VIP: variants seen among roughly 807,000 people sequenced by gnomAD.
The protein encoded by VIP is vasoactive intestinal peptide.
VIP carries 18 observed loss-of-function variants against 20.1 expected under a neutral mutation model. The ratio of observed to expected loss-of-function variants is 0.90; its 90% CI spans 0.62 to 1.33. The LOEUF is 1.33. Among genes scored for constraint, VIP ranks in the 40% most tolerant of loss-of-function variants. VIP has a pLI of 0.00. For synonymous variants in VIP, 70 were observed against 68.1 expected, an observed-to-expected ratio of 1.03 and a Z score of -0.14; for missense variants, 209 against 199.4, an observed-to-expected ratio of 1.05 and a Z score of -0.29.
chr6:152,750,950 A>T lies in VIP; in HGVS notation c.-20A>T, dbSNP rs1354708602. ...GAACAGTCAGCTCCGGGGGAGCACG[A>T]CTGGGCGAGGTAAGTGAAAACTTTA... On this transcript the variant is annotated 5_prime_UTR_variant, in exon 1 of 7. Transcript: ENST00000367244. The T allele has an allele frequency of 6.6e-6, 1 of 152,188 alleles. No homozygotes were observed. Among genetic ancestry groups the T allele is most frequent in the Non-Finnish European group, 1.5e-5 (1 of 68,046 alleles). 9.4% of individuals were successfully genotyped at this position (152,188 alleles called of 1,614,324 possible).
rs535018056 is a variant in VIP, at chr6:152,752,249, G to A, written c.72G>A (p.Ser24=). The change falls in exon 2 of 7, where the codon TCG becomes TCA. Residue 24 remains serine, a synonymous_variant. Coordinates refer to ENST00000367244, the MANE Select transcript of VIP (RefSeq NM_003381.4). ...TCAGTGTGCTCTTCTCACAGACTTCGGCATGGCCTCTTTACAGGGCACCTT... is the reference window on the plus strand; with the variant it reads ...TCAGTGTGCTCTTCTCACAGACTTCAGCATGGCCTCTTTACAGGGCACCTT... ...TLLSVLFSQT[S]AWPLYRAPSA... is the part of the protein sequence containing the mutation. The A allele has an allele frequency of 1.8e-5, 29 of 1,613,354 alleles. No individual in the cohort carries two copies. Among genetic ancestry groups the A allele is most frequent in the East Asian group, 1.1e-4 (5 of 44,854 alleles).
chr6:152,756,721 A>G (rs1442780222), intron 5 of VIP, among the ~76,000 whole-genome samples: 1 of 152,016 alleles, frequency 6.6e-6, no homozygotes, highest in Non-Finnish European at 1.5e-5. Flanking sequence ...GGTATTTTGT[A>G]TATTTAGATT....
At chr6:152,754,818 T>A (rs149616480) in intron 3 of VIP, among the ~76,000 whole-genome samples, 1 of 151,976 alleles carries the variant, frequency 6.6e-6, no homozygotes, top group Non-Finnish European at 1.5e-5. Flanking sequence ...TTCCAAATAT[T>A]TTGGAAAAAG....
intron 2 of VIP, 50 bp downstream of exon 2, chr6:152,752,334 T>G (rs771164081): frequency 2.3e-5 from 34 of 1,473,328 alleles, no homozygotes; most frequent in African/African-American, 5.6e-5. Flanking sequence ...CTCATCTAAA[T>G]GGGAATTTCC....
At chr6:152,752,311 T>C in intron 2 of VIP, 27 bp downstream of exon 2, 1 of 1,557,680 alleles carries the variant, frequency 6.4e-7, no homozygotes, top group Non-Finnish European at 8.8e-7. Context: ...TTCAAACATC[T>C]GAACATTCCT....
At chr6:152,751,953 C>T (rs2791582) in intron 1 of VIP, among the ~76,000 whole-genome samples, 6 of 152,118 alleles carry the variant, frequency 3.9e-5, no homozygotes, top group African/African-American at 7.2e-5. Flanking sequence ...GCCCAGACAG[C>T]AGGTGAAAAG....
At chr6:152,757,452 A>G (rs898659048) in intron 6 of VIP, among the ~76,000 whole-genome samples, 4 of 151,878 alleles carry the variant, frequency 2.6e-5, no homozygotes, top group African/African-American at 9.7e-5. Context: ...ACTTGGGGTT[A>G]TTTCTACCTT....
chr6:152,757,584 A>T (rs2099730621), intron 6 of VIP, among the ~76,000 whole-genome samples: 1 of 151,986 alleles, frequency 6.6e-6, no homozygotes, highest in South Asian at 2.1e-4. Context: ...ATTGACTGTT[A>T]GCTCCTCAAT....
chr6:152,754,058 G>C lies in VIP; in HGVS notation c.108-108G>C, dbSNP rs1278627916. On this transcript the variant is annotated intron_variant, in intron 2 of 6. Transcript: ENST00000367244. Reference sequence around the variant, plus strand: ...TTATGCTATTCTCATATTATGACTGGGTAATACTTCCCAAGAGTCTAAGTA... The same window carrying C: ...TTATGCTATTCTCATATTATGACTGCGTAATACTTCCCAAGAGTCTAAGTA... The C allele has an allele frequency of 1.2e-5, 15 of 1,232,220 alleles. No homozygotes were observed. In the South Asian group the frequency reaches 2.2e-4, roughly 18 times the overall value. The allele number at this position is 1,232,220 out of a possible 1,614,324, so 76.3% of individuals were successfully genotyped here.
intron 2 of VIP, 128 bp from the exon 3 acceptor site, chr6:152,754,038 C>A: frequency 2.0e-6 from 2 of 1,007,404 alleles, no homozygotes; most frequent in Non-Finnish European, 2.8e-6. Flanking sequence ...TCAAATTATG[C>A]TATTCTCATA....
At chr6:152,756,049 A>T in intron 4 of VIP, 85 bp from the exon 5 acceptor site, 3 of 1,372,092 alleles carry the variant, frequency 2.2e-6, no homozygotes, top group Non-Finnish European at 2.9e-6. Context: ...ATTGCTTTTT[A>T]TGTGGCTCCA....
chr6:152,754,127 A>G, intron 2 of VIP, 39 bp from the exon 3 acceptor site: 1 of 1,592,760 alleles, frequency 6.3e-7, no homozygotes, highest in Non-Finnish European at 8.6e-7. Flanking sequence ...TGTCTTCTGA[A>G]AAAAGAATGT....
At position 152,752,245 on chromosome 6, in the gene VIP, C is replaced by A. The variant is rs138142474; in HGVS notation, c.68C>A (p.Thr23Asn). 4 of 1,613,482 alleles carry A rather than the reference C, an allele frequency of 2.5e-6. No individual in the cohort carries two copies. The highest frequency in any genetic ancestry group is 1.7e-5 in the Admixed American group (1 of 59,988). The part of the protein sequence containing the change: ...LTLLSVLFSQ[T>N]SAWPLYRAPS... ...CTTCTCAGTGTGCTCTTCTCACAGA[C>A]TTCGGCATGGCCTCTTTACAGGGCA... The change falls in exon 2 of 7, where the codon ACT (threonine) becomes AAT (asparagine). Residue 23 changes from threonine (T) to asparagine (N), a missense_variant. Transcript: ENST00000367244.
intron 6 of VIP, among the ~76,000 whole-genome samples, chr6:152,758,650 G>T (rs188159941): frequency 6.6e-6 from 1 of 151,884 alleles, no homozygotes; most frequent in Non-Finnish European, 1.5e-5. Context: ...AATCATGTGG[G>T]TCATCCATTA....
In VIP at chr6:152,759,290, T is replaced by C. The variant is rs1442561897; in HGVS notation, c.*424T>C. The C allele has an allele frequency of 6.6e-6, 1 of 152,002 alleles. No homozygotes were observed. The highest frequency in any genetic ancestry group is 1.5e-5 in the Non-Finnish European group (1 of 67,950). 9.4% of individuals were successfully genotyped at this position (152,002 alleles called of 1,614,324 possible). On this transcript the variant is annotated 3_prime_UTR_variant, in exon 7 of 7. Coordinates refer to ENST00000367244, the MANE Select transcript of VIP (RefSeq NM_003381.4). Reference sequence around the variant, plus strand: ...TCAGGAGAGTAGAACAGATAATCAGTGTGTCTAAATTTGAATGTTAAGCAG... The same window carrying C: ...TCAGGAGAGTAGAACAGATAATCAGCGTGTCTAAATTTGAATGTTAAGCAG...
At position 152,756,259 on chromosome 6, in the gene VIP, AGAG is replaced by A. The variant is rs1382852988; in HGVS notation, c.466_467+1del. On this transcript the variant is annotated inframe_deletion, in exon 5 of 7. Transcript: ENST00000367244. ...TATTTGAACTCAATTCTGAATGGAA[AGAG>A]GAGGTAAAGAAAAAGAGAACTTGCT... The A allele has an allele frequency of 6.2e-7, 1 of 1,605,068 alleles. No individual in the cohort carries two copies. Among genetic ancestry groups the A allele is most frequent in the African/African-American group, 1.3e-5 (1 of 74,338 alleles).
At chr6:152,752,388 T>C (rs1441414824) in intron 2 of VIP, 104 bp downstream of exon 2, 5 of 939,306 alleles carry the variant, frequency 5.3e-6, no homozygotes, top group Non-Finnish European at 4.6e-6. Context: ...TTATGTATTA[T>C]GTATTTAAAT....
intron 2 of VIP, among the ~76,000 whole-genome samples, chr6:152,753,419 A>G (rs1325167774): frequency 6.6e-6 from 1 of 152,128 alleles, no homozygotes; most frequent in Non-Finnish European, 1.5e-5. Flanking sequence ...GGTGATTGAA[A>G]TATGCATGCA....
intron 2 of VIP, among the ~76,000 whole-genome samples, chr6:152,753,481 CAGTGTAACA>C (rs2099729957): frequency 1.3e-5 from 2 of 152,026 alleles, no homozygotes; most frequent in African/African-American, 4.8e-5. Flanking sequence ...CTTAGTCTTT[CAGTGTAACA>C]TTGTACATCC....
Sources: allele counts gnomAD v4.1 joint callset (sites outside exome capture counted in the v4.1 genomes callset), GRCh38; gene constraint gnomAD v4.1.1; transcripts MANE v1.5; gene names NCBI Gene and HGNC (gene_info 2026-07-23, HGNC 2026-07-21).